The following RIMS2 variants were observed in gnomAD, a reference collection of about 807,000 sequenced individuals.
RIMS2 encodes the protein regulating synaptic membrane exocytosis 2, also known as regulating synaptic membrane exocytosis protein 2.
A neutral mutation model predicts 174.4 loss-of-function variants in RIMS2; 59 were observed. The observed-to-expected ratio is 0.34, with a 90% CI of 0.27 to 0.42. The LOEUF is 0.42. Among genes scored for constraint, RIMS2 ranks in the 10% least tolerant of loss-of-function variants. The probability of loss-of-function intolerance (pLI) is 1.00; values close to 1 mark genes in which losing one functional copy is unlikely to be tolerated. For synonymous variants in RIMS2, 606 were observed against 572.5 expected, an observed-to-expected ratio of 1.06 and a Z score of -0.84; for missense variants, 1,620 against 1,666.3, an observed-to-expected ratio of 0.97 and a Z score of 0.48.
exon 16 of RIMS2, chr8:103,975,475 T>A (rs774495186): frequency 3.7e-6 from 6 of 1,613,322 alleles, no homozygotes; most frequent in Non-Finnish European, 4.2e-6. Flanking sequence ...AAGGACTAGA[T>A]CATGGTCACC....
chr8:103,906,273 GTTC>G (rs935637536), intron 4 of RIMS2, among the ~76,000 whole-genome samples: 61 of 152,140 alleles, frequency 4.0e-4, no homozygotes, highest in African/African-American at 1.4e-3. Flanking sequence ...ATGAAGTCTC[GTTC>G]TGTTGTTGCC....
intron 19 of RIMS2, among the ~76,000 whole-genome samples, chr8:104,081,763 A>C (rs1360957691): frequency 6.6e-6 from 1 of 152,112 alleles, no homozygotes; most frequent in Non-Finnish European, 1.5e-5. Context: ...AAAATGAGAA[A>C]GCTAGATTAC....
chr8:104,058,886 C>T (rs142321990), intron 19 of RIMS2, among the ~76,000 whole-genome samples: 19,662 of 152,010 alleles, frequency 0.13, 1,741 homozygotes, highest in Non-Finnish European at 0.19. Context: ...TGTAGATATG[C>T]GGCGTTATTT....
chr8:103,772,592 A>G (rs1317164591), intron 3 of RIMS2, among the ~76,000 whole-genome samples: 5 of 152,158 alleles, frequency 3.3e-5, no homozygotes, highest in African/African-American at 9.6e-5. Flanking sequence ...TTTCTCCCCA[A>G]TTTGATTTAT....
chr8:103,672,380 T>C (rs2096755465), intron 1 of RIMS2, among the ~76,000 whole-genome samples: 2 of 152,084 alleles, frequency 1.3e-5, no homozygotes, highest in Admixed American at 6.5e-5. Flanking sequence ...TGCCATTGAT[T>C]AGGTAATTTA....
At chr8:104,001,008 T>C (rs2154552145) in intron 17 of RIMS2, among the ~76,000 whole-genome samples, 1 of 152,094 alleles carries the variant, frequency 6.6e-6, no homozygotes, top group Admixed American at 6.6e-5. Flanking sequence ...TCTTCCATTC[T>C]GTAGGTGTCA....
At chr8:103,502,408 T>C (rs911782313) in intron 1 of RIMS2, among the ~76,000 whole-genome samples, 1 of 152,182 alleles carries the variant, frequency 6.6e-6, no homozygotes, top group African/African-American at 2.4e-5. Flanking sequence ...ATACTATTTC[T>C]CACAAAATAT....
intron 1 of RIMS2, among the ~76,000 whole-genome samples, chr8:103,543,166 C>T (rs2263210): frequency 0.22 from 33,440 of 152,052 alleles, 3,997 homozygotes; most frequent in South Asian, 0.34. Context: ...AATGAATTCA[C>T]TAAGGTTGCA....
intron 3 of RIMS2, among the ~76,000 whole-genome samples, chr8:103,776,977 T>G (rs1460214339): frequency 6.6e-6 from 1 of 152,114 alleles, no homozygotes; most frequent in East Asian, 1.9e-4. Context: ...TATTAGTAAG[T>G]GTTGACATTT....
rs371523501 is a variant in RIMS2 at position 103,894,273 on chromosome 8, G to C, written c.1624+8050G>C. Among the ~76,000 whole-genome samples, 22 of 150,648 alleles carry C rather than the reference G, an allele frequency of 1.5e-4. 1 individual carries two copies. The highest frequency in any genetic ancestry group is 5.8e-4 in the East Asian group (3 of 5,180). ...TGGTGTCAAAAGTTAAAACAAAATA[G>C]CAAGATCTCTGTCCCTGCAGAATTT... On this transcript the variant is annotated intron_variant, in intron 4 of 23. Coordinates refer to ENST00000504942, the Ensembl canonical transcript of RIMS2.
intron 1 of RIMS2, among the ~76,000 whole-genome samples, chr8:103,616,488 C>A (rs2095507804): frequency 6.6e-6 from 1 of 152,190 alleles, no homozygotes; most frequent in South Asian, 2.1e-4. Flanking sequence ...CTCACCACTT[C>A]TATTCAACAT....
intron 1 of RIMS2, among the ~76,000 whole-genome samples, chr8:103,607,312 G>C (rs2095150563): frequency 6.6e-6 from 1 of 151,994 alleles, no homozygotes. Context: ...TTTTCTTTAA[G>C]AATGTTGAAT....
At chr8:103,700,338 T>C (rs1316605677) in intron 2 of RIMS2, among the ~76,000 whole-genome samples, 1 of 152,040 alleles carries the variant, frequency 6.6e-6, no homozygotes. Flanking sequence ...TTTTTGGTAA[T>C]ATTCTTTGCT....
At chr8:104,245,114 T>C (rs1323295254) in intron 20 of RIMS2, 57 bp downstream of exon 26, 5 of 1,552,300 alleles carry the variant, frequency 3.2e-6, no homozygotes, top group East Asian at 2.3e-5. Flanking sequence ...TCTCACTCTA[T>C]GTGCTTTCAC....
At chr8:104,192,953 G>T (rs2099005174) in intron 19 of RIMS2, among the ~76,000 whole-genome samples, 1 of 152,104 alleles carries the variant, frequency 6.6e-6, no homozygotes, top group Non-Finnish European at 1.5e-5. Flanking sequence ...TAAGAAAGGA[G>T]TCAGCACAAG....
chr8:104,020,470 T>C lies in RIMS2; in HGVS notation c.3334+5855T>C, dbSNP rs532978678. On this transcript the variant is annotated intron_variant, in intron 19 of 23. Coordinates refer to ENST00000504942, the Ensembl canonical transcript of RIMS2. Reference sequence around the variant, plus strand: ...AATTTAAGTTATCCAGTATTTAAAATGTCTATTCTTTTTTATTTCTGAATA... The same window carrying C: ...AATTTAAGTTATCCAGTATTTAAAACGTCTATTCTTTTTTATTTCTGAATA... Among the ~76,000 whole-genome samples, 15 of 152,180 alleles carry C rather than the reference T, an allele frequency of 9.9e-5. No homozygotes were observed. The East Asian group carries it at 2.9e-3, about 29-fold the overall frequency.
At chr8:103,839,670 T>C (rs2098928165) in intron 3 of RIMS2, among the ~76,000 whole-genome samples, 1 of 152,204 alleles carries the variant, frequency 6.6e-6, no homozygotes, top group Non-Finnish European at 1.5e-5. Flanking sequence ...CCAGATAGCC[T>C]GCATATGTAC....
intron 3 of RIMS2, among the ~76,000 whole-genome samples, chr8:103,784,987 C>T (rs1157435180): frequency 7.0e-6 from 1 of 142,042 alleles, no homozygotes; most frequent in Non-Finnish European, 1.5e-5. Flanking sequence ...TTCTTCACAT[C>T]CCTTGTAAGT....
intron 3 of RIMS2, among the ~76,000 whole-genome samples, chr8:103,855,803 T>C (rs2099024396): frequency 6.6e-6 from 1 of 152,190 alleles, no homozygotes. Flanking sequence ...TTGTATTCCA[T>C]GTGCAGATGG....
Sources: gnomAD v4.1 joint callset for allele counts (sites outside exome capture counted in the v4.1 genomes callset) on GRCh38, gnomAD v4.1.1 for gene constraint, MANE v1.5 for transcripts, NCBI Gene and HGNC (gene_info 2026-07-23, HGNC 2026-07-21) for gene names.